The following RNF5 variants were observed in gnomAD, a reference collection of about 807,000 sequenced individuals.
RNF5 encodes E3 ubiquitin-protein ligase RNF5.
Under a neutral mutation model 24.4 loss-of-function variants are expected in RNF5, and 16 were observed. That is an observed-to-expected ratio of 0.66 (90% CI 0.44 to 1.00). The LOEUF (loss-of-function observed/expected upper bound fraction) is 1.00, where lower values mean the gene tolerates loss of function less well. Ranked by LOEUF, RNF5 falls within the 50% of genes least tolerant of loss-of-function variation. The pLI is 0.00. For missense variants in RNF5, 185 were observed against 236.7 expected, an observed-to-expected ratio of 0.78 and a Z score of 1.43; for synonymous variants, 64 against 88.5, an observed-to-expected ratio of 0.72 and a Z score of 1.55.
intron 1 of RNF5, 92 bp downstream of exon 1, chr6:32,178,743 C>T (rs1785817482): frequency 2.3e-6 from 3 of 1,313,028 alleles, no homozygotes; most frequent in Non-Finnish European, 3.2e-6. Flanking sequence ...TACAGATAAT[C>T]GGAGGGCACG....
In RNF5 at chr6:32,179,491, C is replaced by T; in HGVS notation, c.141-50C>T. 6.2e-7 allele frequency: 1 copy of T among 1,611,214 alleles called. No homozygotes were observed. The highest frequency in any genetic ancestry group is 8.5e-7 in the Non-Finnish European group (1 of 1,178,318). Reference sequence around the variant, plus strand: ...TCTGCGAAGTCTAGGGTCTGTGTCTCTCTTTTCTGTAGCTAGTTTGACCTT... The same window carrying T: ...TCTGCGAAGTCTAGGGTCTGTGTCTTTCTTTTCTGTAGCTAGTTTGACCTT... On this transcript the variant is annotated intron_variant, in intron 1 of 5. Transcript: ENST00000375094. This position sits in a 1 kb window ranked among gnomAD's most constrained non-coding sequence, Gnocchi z 5.4.
chr6:32,178,760 T>C (rs1785819166), intron 1 of RNF5, 109 bp downstream of exon 1: 8 of 1,120,002 alleles, frequency 7.1e-6, no homozygotes, highest in African/African-American at 3.1e-5. Flanking sequence ...CACGTTCCCA[T>C]AGGTGAAGCC....
Position 32,179,696 on chromosome 6 carries a change from G to C in RNF5, c.205G>C (p.Ala69Pro), listed in dbSNP as rs1363515505. Residue 69 changes from alanine to proline, a missense_variant, in exon 3 of 6, where the codon GCT becomes CCT. Coordinates refer to ENST00000375094, the MANE Select transcript of RNF5 (RefSeq NM_006913.4). This position sits in a 1 kb window ranked among gnomAD's most constrained non-coding sequence, Gnocchi z 5.4. ...PERQECPVCK[A>P]GISREKVVPL... ...ACGGCAAGAGTGTCCAGTATGTAAA[G>C]CTGGGATCAGCAGAGAGAAGGTTGT... 1.2e-6 allele frequency: 2 copies of C among 1,614,160 alleles called. No homozygotes were observed. The highest frequency in any genetic ancestry group is 1.7e-6 in the Non-Finnish European group (2 of 1,180,020).
In RNF5 at chr6:32,178,439, T is replaced by G; in HGVS notation, c.-73T>G. On this transcript the variant is annotated 5_prime_UTR_variant, in exon 1 of 6. Transcript: ENST00000375094. ...CCAACGATCGTGGGCAGGAGGTGGTTTCTGGTTTGTTGGGGCGTGTGTATG... is the reference window on the plus strand; with the variant it reads ...CCAACGATCGTGGGCAGGAGGTGGTGTCTGGTTTGTTGGGGCGTGTGTATG... The G allele has an allele frequency of 7.6e-7, 1 of 1,311,348 alleles. No individual in the cohort carries two copies. The highest frequency in any genetic ancestry group is 1.0e-6 in the Non-Finnish European group (1 of 970,460). 81.2% of individuals were successfully genotyped at this position (1,311,348 alleles called of 1,614,324 possible). A position where few individuals can be genotyped will look rare whatever the true frequency, so the allele number is the denominator to read the frequency against.
At chr6:32,178,685 G>T (rs758723209) in intron 1 of RNF5, 34 bp downstream of exon 1, 4 of 1,602,392 alleles carry the variant, frequency 2.5e-6, no homozygotes, top group Non-Finnish European at 8.5e-7. Flanking sequence ...GAGGTGGTGG[G>T]TCTCGCTTAT....
chr6:32,179,493 CTT>C lies in RNF5; in HGVS notation c.141-45_141-44del. ...TGCGAAGTCTAGGGTCTGTGTCTCT[CTT>C]TTCTGTAGCTAGTTTGACCTTTTTT... On this transcript the variant is annotated intron_variant, in intron 1 of 5. Transcript: ENST00000375094. This position sits in a 1 kb window ranked among gnomAD's most constrained non-coding sequence, Gnocchi z 5.4. 1.2e-6 allele frequency: 2 copies of C among 1,611,046 alleles called. No homozygotes were observed. Among genetic ancestry groups the C allele is most frequent in the Non-Finnish European group, 1.7e-6 (2 of 1,178,420 alleles).
At chr6:32,180,185 C>A (rs1478040539) in intron 5 of RNF5, 44 bp from the exon 6 acceptor site, 3 of 1,610,734 alleles carry the variant, frequency 1.9e-6, no homozygotes, top group Admixed American at 1.7e-5. Flanking sequence ...GGCCCCCTCC[C>A]AGCCTAGGAG....
rs959395459 is a variant in RNF5 at position 32,179,471 on chromosome 6, G to A, written c.141-70G>A. 2 of 1,592,716 alleles carry A rather than the reference G, an allele frequency of 1.3e-6. No individual in the cohort carries two copies. The highest frequency in any genetic ancestry group is 1.7e-6 in the Non-Finnish European group (2 of 1,163,918). On this transcript the variant is annotated intron_variant, in intron 1 of 5. Transcript: ENST00000375094. The surrounding 1 kb of genome is among the most constrained non-coding windows in gnomAD (Gnocchi z 5.4). The stretch of plus-strand genomic sequence containing the variant: ...GAAGAGGGGTTAGATGGGATTCTGC[G>A]AAGTCTAGGGTCTGTGTCTCTCTTT...
At position 32,179,734 on chromosome 6, in the gene RNF5, G is replaced by T; in HGVS notation, c.243G>T (p.Gly81=). The change falls in exon 3 of 6, where the codon GGG becomes GGT. Residue 81 remains glycine, a synonymous_variant. Coordinates refer to ENST00000375094, the MANE Select transcript of RNF5 (RefSeq NM_006913.4). This position sits in a 1 kb window ranked among gnomAD's most constrained non-coding sequence, Gnocchi z 5.4. ...ISREKVVPLY[G]RGSQKPQDPR... is the part of the protein sequence containing the mutation. ...GAGAGAAGGTTGTCCCGCTTTATGGGCGAGGGAGCCAGAAGCCCCAGGATC... is the reference window on the plus strand; with the variant it reads ...GAGAGAAGGTTGTCCCGCTTTATGGTCGAGGGAGCCAGAAGCCCCAGGATC... The T allele has an allele frequency of 6.2e-7, 1 of 1,614,180 alleles. No individual in the cohort carries two copies. The highest frequency in any genetic ancestry group is 1.3e-5 in the African/African-American group (1 of 75,040).
chr6:32,179,368 A>T lies in RNF5; in HGVS notation c.141-173A>T, dbSNP rs547380649. ...AGAGCTTTAGGTGTTGGAAGATCAGACAAGCAGGAAGGCTAACTAAGTTGG... is the reference window on the plus strand; with the variant it reads ...AGAGCTTTAGGTGTTGGAAGATCAGTCAAGCAGGAAGGCTAACTAAGTTGG... On this transcript the variant is annotated intron_variant, in intron 1 of 5. Coordinates refer to ENST00000375094, the MANE Select transcript of RNF5 (RefSeq NM_006913.4). This position sits in a 1 kb window ranked among gnomAD's most constrained non-coding sequence, Gnocchi z 5.4. Among the ~76,000 whole-genome samples the T allele has an allele frequency of 5.3e-4, 80 of 152,272 alleles. No individual in the cohort carries two copies. Among genetic ancestry groups the T allele is most frequent in the African/African-American group, 1.8e-3 (74 of 41,546 alleles).
chr6:32,179,892 C>A lies in RNF5; in HGVS notation c.288C>A (p.Pro96=). Residue 96 remains proline, a synonymous_variant, in exon 4 of 6, where the codon CCC becomes CCA. Transcript: ENST00000375094. The surrounding 1 kb of genome is among the most constrained non-coding windows in gnomAD (Gnocchi z 5.4). The part of the protein sequence containing the change: ...KPQDPRLKTP[P]RPQGQRPAPE... ...ACTTCCTCAGATTAAAAACTCCACC[C>A]CGCCCCCAGGGCCAGAGACCAGCTC... 6.2e-7 allele frequency: 1 copy of A among 1,614,178 alleles called. No homozygotes were observed. The highest frequency in any genetic ancestry group is 8.5e-7 in the Non-Finnish European group (1 of 1,180,024).
chr6:32,179,460 T>C lies in RNF5; in HGVS notation c.141-81T>C. On this transcript the variant is annotated intron_variant, in intron 1 of 5. Coordinates refer to ENST00000375094, the MANE Select transcript of RNF5 (RefSeq NM_006913.4). The surrounding 1 kb of genome is among the most constrained non-coding windows in gnomAD (Gnocchi z 5.4). ...AGGTTGCTTGGGAAGAGGGGTTAGATGGGATTCTGCGAAGTCTAGGGTCTG... is the reference window on the plus strand; with the variant it reads ...AGGTTGCTTGGGAAGAGGGGTTAGACGGGATTCTGCGAAGTCTAGGGTCTG... The C allele has an allele frequency of 6.4e-7, 1 of 1,569,228 alleles. No homozygotes were observed. The highest frequency in any genetic ancestry group is 1.7e-5 in the Admixed American group (1 of 58,714).
rs751640800 is a variant in RNF5 at position 32,180,117 on chromosome 6, C to T, written c.436C>T (p.Arg146Trp). ...TVFNAHEPFR[R>W]GTGVDLGQGH... ...CTTCAATGCCCATGAGCCTTTCCGCCGGGGTACAGGTAAGAGTCACACTCA... is the reference window on the plus strand; with the variant it reads ...CTTCAATGCCCATGAGCCTTTCCGCTGGGGTACAGGTAAGAGTCACACTCA... Residue 146 changes from arginine (R) to tryptophan (W), a missense_variant, in exon 5 of 6, where the codon CGG (arginine) becomes TGG (tryptophan). Physicochemically the swap from Arg to Trp is moderately radical, Grantham distance 101. Transcript: ENST00000375094. 12 of 1,613,890 alleles carry T rather than the reference C, an allele frequency of 7.4e-6. No homozygotes were observed. Among genetic ancestry groups the T allele is most frequent in the East Asian group, 2.2e-5 (1 of 44,882 alleles).
At position 32,180,127 on chromosome 6, in the gene RNF5, G is replaced by A. The variant is rs781620881; in HGVS notation, c.445+1G>A. ...CATGAGCCTTTCCGCCGGGGTACAG[G>A]TAAGAGTCACACTCAGCTCCCATCA... On this transcript the variant is annotated splice_donor_variant, in intron 5 of 5. Coordinates refer to ENST00000375094, the MANE Select transcript of RNF5 (RefSeq NM_006913.4). LOFTEE classifies it high-confidence loss of function. 7.4e-6 allele frequency: 12 copies of A among 1,613,690 alleles called. No individual in the cohort carries two copies. The highest frequency in any genetic ancestry group is 2.2e-5 in the East Asian group (1 of 44,866).
In RNF5 at chr6:32,180,277, T is replaced by C; in HGVS notation, c.494T>C (p.Leu165Pro). 1 of 1,612,028 alleles carries C rather than the reference T, an allele frequency of 6.2e-7. No individual in the cohort carries two copies. Among genetic ancestry groups the C allele is most frequent in the East Asian group, 2.2e-5 (1 of 44,888 alleles). ...CCAGCCTCCAGCTGGCAGGATTCCC[T>C]CTTCCTGTTTCTCGCCATCTTCTTC... ...GHPASSWQDS[L>P]FLFLAIFFFF... The change falls in exon 6 of 6, where the codon CTC (leucine) becomes CCC (proline). Residue 165 changes from leucine (L) to proline (P), a missense_variant. Coordinates refer to ENST00000375094, the MANE Select transcript of RNF5 (RefSeq NM_006913.4).
chr6:32,178,712 G>T, intron 1 of RNF5, 61 bp downstream of exon 1: 1 of 1,541,070 alleles, frequency 6.5e-7, no homozygotes, highest in South Asian at 1.1e-5. Context: ...GAGAGGCTAG[G>T]AGCGAATAAT....
rs564695318 is a variant in RNF5, at chr6:32,180,701, C to G, written c.*375C>G. 21 of 352,892 alleles carry G rather than the reference C, an allele frequency of 6.0e-5. No individual in the cohort carries two copies. In the East Asian group the frequency reaches 1.0e-3, roughly 18 times the overall value. The allele number at this position is 352,892 out of a possible 1,614,324, so 21.9% of individuals were successfully genotyped here. A position where few individuals can be genotyped will look rare whatever the true frequency, so the allele number is the denominator to read the frequency against. On this transcript the variant is annotated 3_prime_UTR_variant, in exon 6 of 6. Coordinates refer to ENST00000375094, the MANE Select transcript of RNF5 (RefSeq NM_006913.4). Reference sequence around the variant, plus strand: ...CTTACTGATTTAATTTAATTTTTCACTCCCCAGAGTCTAATATGGATTCTG... The same window carrying G: ...CTTACTGATTTAATTTAATTTTTCAGTCCCCAGAGTCTAATATGGATTCTG...
At position 32,179,596 on chromosome 6, in the gene RNF5, T is replaced by A. The variant is rs1785906479; in HGVS notation, c.159+37T>A. On this transcript the variant is annotated intron_variant, in intron 2 of 5. Transcript: ENST00000375094. The surrounding 1 kb of genome is among the most constrained non-coding windows in gnomAD (Gnocchi z 5.4). ...GGAGATGAAGAGGGAAATGGGGAGG[T>A]CTGAGGAGCTGTAAGACCCTCTTGT... The A allele has an allele frequency of 3.7e-6, 6 of 1,612,224 alleles. No homozygotes were observed. In the East Asian group the frequency reaches 1.1e-4, roughly 30 times the overall value.
chr6:32,179,934 G>A lies in RNF5; in HGVS notation c.327+3G>A, dbSNP rs1336038571. ...GACCAGCTCCGGAGAGCAGAGGGGT[G>A]AGTCTTCTTGTCCAGTTGTGTCCCT... On this transcript the variant is annotated splice_donor_region_variant and intron_variant, in intron 4 of 5. Transcript: ENST00000375094. This position sits in a 1 kb window ranked among gnomAD's most constrained non-coding sequence, Gnocchi z 5.4. The A allele has an allele frequency of 6.2e-7, 1 of 1,614,116 alleles. No homozygotes were observed. The highest frequency in any genetic ancestry group is 1.3e-5 in the African/African-American group (1 of 74,924).
Sources: gnomAD v4.1 joint callset for allele counts (sites outside exome capture counted in the v4.1 genomes callset) on GRCh38, gnomAD v4.1.1 for gene constraint, Gnocchi (gnomAD v3.1) non-coding constraint, MANE v1.5 for transcripts, NCBI Gene and HGNC (gene_info 2026-07-23, HGNC 2026-07-21) for gene names.